CYTH1: variants seen among roughly 807,000 people sequenced by gnomAD.
CYTH1 encodes cytohesin 1.
A neutral mutation model predicts 61.8 loss-of-function variants in CYTH1; 18 were observed. The ratio of observed to expected loss-of-function variants is 0.29; its 90% CI spans 0.20 to 0.43. The LOEUF (loss-of-function observed/expected upper bound fraction) is 0.43, where lower values mean the gene tolerates loss of function less well. Ranked by LOEUF, CYTH1 falls within the 20% of genes least tolerant of loss-of-function variation. The probability of loss-of-function intolerance (pLI) is 1.00; values close to 1 mark genes in which losing one functional copy is unlikely to be tolerated. For missense variants in CYTH1, 336 were observed against 510.5 expected (o/e 0.66, Z 3.29); for synonymous variants, 174 against 184.3 (o/e 0.94, Z 0.45).
chr17:78,688,084 T>C (rs1269680162), intron 11 of CYTH1, among the ~76,000 whole-genome samples: 3 of 152,202 alleles, frequency 2.0e-5, no homozygotes, highest in Non-Finnish European at 4.4e-5. Flanking sequence ...CAGGTGACAC[T>C]TTTTGGCTAG....
intron 1 of CYTH1, among the ~76,000 whole-genome samples, chr17:78,751,500 T>G (rs1158210982): frequency 6.6e-6 from 1 of 151,150 alleles, no homozygotes; most frequent in Non-Finnish European, 1.5e-5. Context: ...TAATGCTAAA[T>G]AGACCACATA....
At chr17:78,743,774 A>G (rs953549238) in intron 1 of CYTH1, among the ~76,000 whole-genome samples, 10 of 152,208 alleles carry the variant, frequency 6.6e-5, no homozygotes, top group African/African-American at 2.4e-4. Flanking sequence ...CTAACACTGA[A>G]GATTTTCCTT....
rs565196511 is a variant in CYTH1, at chr17:78,707,381, T to C, written c.170+816A>G. On this transcript the variant is annotated intron_variant, in intron 3 of 13. Coordinates refer to ENST00000446868, the MANE Select transcript of CYTH1 (RefSeq NM_004762.6). ...AACTCTCAAAGTCACTAACATTTCATGAAAATAAAAGGAAAAAAAAAAGCA... is the reference window on the plus strand; with the variant it reads ...AACTCTCAAAGTCACTAACATTTCACGAAAATAAAAGGAAAAAAAAAAGCA... Among the ~76,000 whole-genome samples, 8 of 152,132 alleles carry C rather than the reference T, an allele frequency of 5.3e-5. 1 individual carries two copies. Among genetic ancestry groups the C allele is most frequent in the African/African-American group, 1.4e-4 (6 of 41,488 alleles).
chr17:78,766,403 C>T (rs2093448854), intron 1 of CYTH1, among the ~76,000 whole-genome samples: 1 of 152,200 alleles, frequency 6.6e-6, no homozygotes, highest in African/African-American at 2.4e-5. Flanking sequence ...AACCACAAAA[C>T]ATGTTCTGGC....
At chr17:78,696,230 C>T (rs912984746) in intron 9 of CYTH1, among the ~76,000 whole-genome samples, 1 of 152,204 alleles carries the variant, frequency 6.6e-6, no homozygotes, top group Non-Finnish European at 1.5e-5. Flanking sequence ...CTCTTACATG[C>T]CACGTTCCAC....
At chr17:78,737,179 C>T (rs1040477008) in intron 1 of CYTH1, among the ~76,000 whole-genome samples, 35 of 152,248 alleles carry the variant, frequency 2.3e-4, no homozygotes, top group South Asian at 4.1e-4. Context: ...CCAGGAACTC[C>T]GATGGACACC....
intron 1 of CYTH1, among the ~76,000 whole-genome samples, chr17:78,755,491 TAA>T (rs3073742): frequency 7.7e-6 from 1 of 129,834 alleles, no homozygotes; most frequent in Non-Finnish European, 1.6e-5. Flanking sequence ...TGGGTTTATT[TAA>T]AAAAAAAAAA....
Position 78,702,579 on chromosome 17 carries a change from C to A in CYTH1, c.196G>T (p.Val66Leu). 6.2e-7 allele frequency: 1 copy of A among 1,614,148 alleles called. No individual in the cohort carries two copies. Residue 66 changes from valine (V) to leucine (L), a missense_variant, in exon 4 of 14, where the codon GTA (valine) becomes TTA (leucine). Around this residue, in one of 4 missense-constraint regions of CYTH1, gnomAD observed 112 missense variants for 127.1 expected, o/e 0.88. Coordinates refer to ENST00000446868, the MANE Select transcript of CYTH1 (RefSeq NM_004762.6). ...TTAAATTTTTTCCTGCCCATGGCTA[C>A]CTGTTTGTTCCTCTGCATGTTTTTC... is the stretch of plus-strand genomic sequence containing the variant. Reference protein sequence around the residue: ...ERKNMQRNKQVAMGRKKFNMD... With the variant: ...ERKNMQRNKQLAMGRKKFNMD...
rs1452659367 is a variant in CYTH1, at chr17:78,760,555, ATG to A, written c.22+21645_22+21646del. Reference sequence around the variant, plus strand: ...TACATACATATATATGTATATATATATGTATATATATATACACATACATATAT... The same window carrying A: ...TACATACATATATATGTATATATATATATATATATATACACATACATATAT... On this transcript the variant is annotated intron_variant, in intron 1 of 13. Coordinates refer to ENST00000446868, the MANE Select transcript of CYTH1 (RefSeq NM_004762.6). Among the ~76,000 whole-genome samples, 12 of 28,472 alleles carry A rather than the reference ATG, an allele frequency of 4.2e-4. 1 individual carries two copies. The highest frequency in any genetic ancestry group is 7.4e-4 in the African/African-American group (7 of 9,520). 18.7% of individuals were successfully genotyped at this position (28,472 alleles called of 152,430 possible).
intron 2 of CYTH1, 67 bp from the exon 3 acceptor site, chr17:78,708,328 C>T (rs898492527): frequency 7.1e-6 from 10 of 1,404,008 alleles, no homozygotes; most frequent in Non-Finnish European, 6.8e-6. Flanking sequence ...CTTCTAAAAT[C>T]TCACATAACT....
intron 3 of CYTH1, among the ~76,000 whole-genome samples, chr17:78,704,605 T>G (rs1483352304): frequency 6.6e-6 from 1 of 152,136 alleles, no homozygotes; most frequent in Non-Finnish European, 1.5e-5. Context: ...ACCGCAACCT[T>G]TAACTCCTGA....
intron 1 of CYTH1, among the ~76,000 whole-genome samples, chr17:78,768,977 C>A (rs2093459803): frequency 1.3e-5 from 2 of 152,112 alleles, no homozygotes; most frequent in African/African-American, 4.8e-5. Context: ...AAAACCCAGT[C>A]TCTACTAAAA....
chr17:78,756,988 C>CTTTTTTTTTTT (rs869039489), intron 1 of CYTH1, among the ~76,000 whole-genome samples: 28 of 129,752 alleles, frequency 2.2e-4, no homozygotes, highest in African/African-American at 4.0e-4. Flanking sequence ...TCTTTTTTTT[C>CTTTTTTTTTTT]TTTTTTTTTT....
intron 1 of CYTH1, among the ~76,000 whole-genome samples, chr17:78,767,551 A>G (rs2093453938): frequency 6.7e-6 from 1 of 148,354 alleles, no homozygotes; most frequent in African/African-American, 2.4e-5. Flanking sequence ...AGATGAACAA[A>G]TGGATGAATA....
intron 1 of CYTH1, among the ~76,000 whole-genome samples, chr17:78,768,160 A>C (rs181232385): frequency 3.9e-5 from 6 of 152,084 alleles, no homozygotes; most frequent in Admixed American, 3.9e-4. Flanking sequence ...AAAGCTCTCC[A>C]CTCTGCAACT....
intron 1 of CYTH1, among the ~76,000 whole-genome samples, chr17:78,752,371 T>C (rs1449758842): frequency 6.6e-6 from 1 of 152,214 alleles, no homozygotes; most frequent in Non-Finnish European, 1.5e-5. Context: ...AAATCTCTAC[T>C]ATCAATAAAG....
chr17:78,782,185 C>T lies in CYTH1; in HGVS notation c.22+17G>A, dbSNP rs1344458369. ...GGGACAGCGAGGGGGAAGCGTCCGC[C>T]GCCGGGGCGCACTGACCGTAGCTGT... On this transcript the variant is annotated intron_variant, in intron 1 of 13. Transcript: ENST00000446868. 9 of 1,363,242 alleles carry T rather than the reference C, an allele frequency of 6.6e-6. No homozygotes were observed. Among genetic ancestry groups the T allele is most frequent in the Non-Finnish European group, 7.7e-6 (8 of 1,043,764 alleles). The allele number at this position is 1,363,242 out of a possible 1,614,324, so 84.4% of individuals were successfully genotyped here.
chr17:78,715,204 C>T (rs181473913), intron 1 of CYTH1, among the ~76,000 whole-genome samples: 122 of 152,230 alleles, frequency 8.0e-4, no homozygotes, highest in African/African-American at 2.8e-3. Context: ...AGACCACCCA[C>T]GAGGGAAGAT....
intron 9 of CYTH1, 93 bp from the exon 10 acceptor site, chr17:78,696,102 T>G (rs1364481863): frequency 3.7e-6 from 5 of 1,347,522 alleles, no homozygotes; most frequent in East Asian, 4.6e-5. Context: ...TTAAACCCGA[T>G]TCCTTAATCT....
Sources: gnomAD v4.1 joint callset for allele counts (sites outside exome capture counted in the v4.1 genomes callset) on GRCh38, gnomAD v4.1.1 for gene constraint, gnomAD v4.1.1 regional missense constraint, MANE v1.5 for transcripts, NCBI Gene and HGNC (gene_info 2026-07-23, HGNC 2026-07-21) for gene names.